Variants in IMMP2L observed in about 807,000 individuals in gnomAD.
IMMP2L encodes the protein mitochondrial inner membrane protease subunit 2.
Under a neutral mutation model 19.3 loss-of-function variants are expected in IMMP2L, and 18 were observed. That is an observed-to-expected ratio of 0.93 (90% CI 0.64 to 1.38). The LOEUF is 1.38. IMMP2L is among the 40% of genes most tolerant of loss of function. The pLI, the probability that IMMP2L is intolerant of heterozygous loss-of-function variation, is 0.00. For missense variants in IMMP2L, 233 were observed against 218.2 expected (o/e 1.07, Z -0.43); for synonymous variants, 76 against 73.0 (o/e 1.04, Z -0.21).
At chr7:111,370,516 T>C (rs2131096519) in intron 3 of IMMP2L, among the ~76,000 whole-genome samples, 1 of 152,132 alleles carries the variant, frequency 6.6e-6, no homozygotes, top group Non-Finnish European at 1.5e-5. Flanking sequence ...ATTGCACCCT[T>C]GTTCAAACGT....
intron 3 of IMMP2L, among the ~76,000 whole-genome samples, chr7:111,047,712 G>C (rs1490961098): frequency 6.6e-6 from 1 of 152,088 alleles, no homozygotes; most frequent in Admixed American, 6.6e-5. Context: ...ACTTGGTCTA[G>C]AGACCCAGCT....
At chr7:111,381,514 C>A (rs1425204994) in intron 3 of IMMP2L, among the ~76,000 whole-genome samples, 1 of 151,964 alleles carries the variant, frequency 6.6e-6, no homozygotes, top group Non-Finnish European at 1.5e-5. Context: ...ATAGGTAAAA[C>A]TGTATATATG....
At chr7:111,218,222 T>A (rs1214253222) in intron 3 of IMMP2L, among the ~76,000 whole-genome samples, 1 of 152,062 alleles carries the variant, frequency 6.6e-6, no homozygotes, top group Admixed American at 6.6e-5. Context: ...GAAGTTTTCT[T>A]ATGCAAGACA....
chr7:111,140,101 G>A (rs1304958727), intron 3 of IMMP2L, among the ~76,000 whole-genome samples: 2 of 152,032 alleles, frequency 1.3e-5, no homozygotes, highest in Non-Finnish European at 2.9e-5. Context: ...TAAAAACAGT[G>A]AGACATAAGA....
intron 3 of IMMP2L, among the ~76,000 whole-genome samples, chr7:111,195,270 T>C (rs1809343671): frequency 2.0e-5 from 3 of 152,150 alleles, no homozygotes; most frequent in South Asian, 4.1e-4. Flanking sequence ...ATCCCATTAA[T>C]ATTTTTGGAA....
chr7:110,716,321 G>A (rs547859973), intron 5 of IMMP2L, among the ~76,000 whole-genome samples: 1 of 152,146 alleles, frequency 6.6e-6, no homozygotes, highest in East Asian at 1.9e-4. Flanking sequence ...TGATATGTGA[G>A]GTTTTGATCC....
intron 3 of IMMP2L, among the ~76,000 whole-genome samples, chr7:111,274,949 T>C (rs760772312): frequency 1.3e-5 from 2 of 152,168 alleles, no homozygotes; most frequent in South Asian, 2.1e-4. Context: ...TACAGCTCTG[T>C]CTGCTTGACA....
intron 3 of IMMP2L, among the ~76,000 whole-genome samples, chr7:111,116,649 GATGTGATTACTCTCAC>G (rs1039434760): frequency 1.3e-5 from 2 of 152,110 alleles, no homozygotes; most frequent in Admixed American, 1.3e-4. Flanking sequence ...TTCAGAGAGC[GATGTGATTACTCTCAC>G]ATAGCAAAAC....
At chr7:111,099,782 T>A (rs1442869086) in intron 3 of IMMP2L, 2 of 151,618 alleles carry the variant, frequency 1.3e-5, no homozygotes, top group African/African-American at 4.8e-5. Flanking sequence ...GTATTGTGAA[T>A]CATGAATAAC....
At chr7:110,927,603 A>G (rs906619213) in intron 4 of IMMP2L, among the ~76,000 whole-genome samples, 3 of 152,132 alleles carry the variant, frequency 2.0e-5, no homozygotes, top group Non-Finnish European at 4.4e-5. Flanking sequence ...AAGGGGCCAT[A>G]TATAAAGCCA....
At chr7:110,825,136 G>A (rs567213842) in intron 5 of IMMP2L, among the ~76,000 whole-genome samples, 23 of 152,252 alleles carry the variant, frequency 1.5e-4, no homozygotes, top group African/African-American at 5.5e-4. Flanking sequence ...CAAGGGATGT[G>A]AAGGACCTCC....
intron 2 of IMMP2L, among the ~76,000 whole-genome samples, chr7:111,506,000 G>A (rs1169163929): frequency 1.3e-5 from 2 of 151,700 alleles, no homozygotes. Flanking sequence ...AAAGAAAGGA[G>A]GCCAGGCTCA....
At chr7:110,989,740 A>C (rs1822257849) in intron 3 of IMMP2L, among the ~76,000 whole-genome samples, 1 of 151,558 alleles carries the variant, frequency 6.6e-6, no homozygotes, top group African/African-American at 2.4e-5. Flanking sequence ...AAAAGATAAA[A>C]ACAAAATTAA....
At chr7:111,445,855 G>A (rs900681239) in intron 3 of IMMP2L, among the ~76,000 whole-genome samples, 10 of 151,340 alleles carry the variant, frequency 6.6e-5, no homozygotes, top group Non-Finnish European at 1.0e-4. Flanking sequence ...TGCGCGCACC[G>A]TGCGTGAGCC....
chr7:111,251,908 CATA>C (rs2129632324), intron 3 of IMMP2L, among the ~76,000 whole-genome samples: 1 of 151,814 alleles, frequency 6.6e-6, no homozygotes, highest in African/African-American at 2.4e-5. Context: ...GGGAAAAAAA[CATA>C]ATGTCATTGT....
At chr7:111,082,515 A>T (rs1795969226) in intron 3 of IMMP2L, among the ~76,000 whole-genome samples, 1 of 152,194 alleles carries the variant, frequency 6.6e-6, no homozygotes, top group Non-Finnish European at 1.5e-5. Flanking sequence ...TGGTTTGAGC[A>T]CTAGACTTCA....
chr7:110,996,321 TAC>T (rs1043510493), intron 3 of IMMP2L, among the ~76,000 whole-genome samples: 4 of 152,002 alleles, frequency 2.6e-5, no homozygotes, highest in African/African-American at 9.7e-5. Flanking sequence ...AGGGAAAAAC[TAC>T]AACACATTTC....
chr7:111,049,146 T>G (rs1306751524), intron 3 of IMMP2L, among the ~76,000 whole-genome samples: 2 of 102,334 alleles, frequency 2.0e-5, no homozygotes, highest in East Asian at 6.1e-4. Context: ...CTTTTTTTTT[T>G]TTGGGACGGA....
chr7:110,876,911 T>C (rs548115838), intron 5 of IMMP2L, among the ~76,000 whole-genome samples: 37 of 152,140 alleles, frequency 2.4e-4, no homozygotes, highest in Non-Finnish European at 5.3e-4. Flanking sequence ...ACTTTCCTAT[T>C]AACAGCCAGA....
Sources: gnomAD v4.1 joint callset for allele counts (sites outside exome capture counted in the v4.1 genomes callset) on GRCh38, gnomAD v4.1.1 for gene constraint, MANE v1.5 for transcripts, NCBI Gene and HGNC (gene_info 2026-07-23, HGNC 2026-07-21) for gene names.